Variants in ARHGAP42 observed in about 807,000 individuals in gnomAD.
The protein encoded by ARHGAP42 is rho GTPase-activating protein 42.
In ARHGAP42, 63 loss-of-function variants were observed where a neutral mutation model predicts 125.0. The ratio of observed to expected loss-of-function variants is 0.50; its 90% CI spans 0.41 to 0.62. The LOEUF is 0.62. Ranked by LOEUF, ARHGAP42 falls within the 20% of genes least tolerant of loss-of-function variation. The pLI, the probability that ARHGAP42 is intolerant of heterozygous loss-of-function variation, is 0.00. For missense variants in ARHGAP42, 766 were observed against 1,024.2 expected, an observed-to-expected ratio of 0.75 and a Z score of 3.44; for synonymous variants, 339 against 351.0, an observed-to-expected ratio of 0.97 and a Z score of 0.38.
intron 1 of ARHGAP42, among the ~76,000 whole-genome samples, chr11:100,748,568 T>G (rs1862362070): frequency 6.6e-6 from 1 of 151,680 alleles, no homozygotes; most frequent in Admixed American, 6.6e-5. Context: ...TGCTTTTTTG[T>G]TTTTGTTTTT....
intron 2 of ARHGAP42, among the ~76,000 whole-genome samples, chr11:100,779,485 T>TATATATATATATACACACAC (rs1312550660): frequency 4.9e-5 from 4 of 81,432 alleles, no homozygotes; most frequent in Non-Finnish European, 7.0e-5. Context: ...TATATATATA[T>TATATATATATATACACACAC]ACACACACAC....
rs541181245 is a variant in ARHGAP42 at position 100,933,763 on chromosome 11, TGGAAATAA to T, written c.702+513_702+520del. On this transcript the variant is annotated intron_variant, in intron 7 of 23. Transcript: ENST00000298815. The stretch of plus-strand genomic sequence containing the variant: ...TCAAGAAAACTAGAAAAGAAAATAC[TGGAAATAA>T]GGAAATAAGACCTTAGAGAAGTCTT... 2.8e-4 allele frequency among the ~76,000 whole-genome samples: 42 copies of T among 152,186 alleles called. No homozygotes were observed. In the South Asian group the frequency reaches 8.5e-3, roughly 31 times the overall value.
chr11:100,832,190 C>T (rs1864678671), intron 3 of ARHGAP42, among the ~76,000 whole-genome samples: 1 of 152,216 alleles, frequency 6.6e-6, no homozygotes, highest in Non-Finnish European at 1.5e-5. Context: ...ACATATTGGG[C>T]AGATGACAAG....
intron 23 of ARHGAP42, among the ~76,000 whole-genome samples, chr11:100,988,119 T>C (rs1380963634): frequency 6.6e-6 from 1 of 152,122 alleles, no homozygotes; most frequent in Non-Finnish European, 1.5e-5. Flanking sequence ...ACAGCAAGAC[T>C]CTGTCTATAA....
chr11:100,854,661 G>A (rs1284024828), intron 3 of ARHGAP42, among the ~76,000 whole-genome samples: 2 of 152,052 alleles, frequency 1.3e-5, no homozygotes, highest in Non-Finnish European at 2.9e-5. Context: ...TGGTGCTGTG[G>A]ATTTGCTGAC....
chr11:100,729,808 T>C (rs1861923510), intron 1 of ARHGAP42, among the ~76,000 whole-genome samples: 1 of 150,180 alleles, frequency 6.7e-6, no homozygotes, highest in East Asian at 1.9e-4. Context: ...TCTAAATTTC[T>C]TTCTTTTTTT....
At chr11:100,820,257 G>T (rs1230802435) in intron 3 of ARHGAP42, among the ~76,000 whole-genome samples, 1 of 152,136 alleles carries the variant, frequency 6.6e-6, no homozygotes, top group African/African-American at 2.4e-5. Flanking sequence ...TAGTTCTGAA[G>T]TGGGGGTAGT....
rs530681269 is a variant in ARHGAP42 at position 100,902,153 on chromosome 11, A to G, written c.385-11299A>G. On this transcript the variant is annotated intron_variant, in intron 4 of 23. Transcript: ENST00000298815. ...GGCTCATGTGGCTTATTCTATAACA[A>G]TGACCAAAACACTTTAACCCGTTGA... Among the ~76,000 whole-genome samples the G allele has an allele frequency of 9.2e-5, 14 of 152,342 alleles. No individual in the cohort carries two copies. The South Asian group carries it at 1.9e-3, about 20-fold the overall frequency.
chr11:100,695,637 A>C (rs969428046), intron 1 of ARHGAP42, among the ~76,000 whole-genome samples: 2 of 152,180 alleles, frequency 1.3e-5, no homozygotes, highest in Non-Finnish European at 2.9e-5. Context: ...TATTTGGTTA[A>C]TCAGAATACT....
intron 4 of ARHGAP42, among the ~76,000 whole-genome samples, chr11:100,894,193 G>C (rs1866287096): frequency 6.6e-6 from 1 of 152,138 alleles, no homozygotes; most frequent in South Asian, 2.1e-4. Flanking sequence ...ATAGTTCTTT[G>C]GGATATTTGA....
Position 100,983,785 on chromosome 11 carries a change from G to GAAAC in ARHGAP42, c.2457-3726_2457-3723dup, listed in dbSNP as rs1363477157. On this transcript the variant is annotated intron_variant, in intron 22 of 23. Coordinates refer to ENST00000298815, the MANE Select transcript of ARHGAP42 (RefSeq NM_152432.4). ...CAGTATTACTTAGATATTCAAGCTG[G>GAAAC]AAACAGCCAGTGTTTGTTGGAAAAA... Among the ~76,000 whole-genome samples, 8 of 152,238 alleles carry GAAAC rather than the reference G, an allele frequency of 5.3e-5. No individual in the cohort carries two copies. The East Asian group carries it at 1.5e-3, about 29-fold the overall frequency.
intron 17 of ARHGAP42, among the ~76,000 whole-genome samples, chr11:100,966,610 T>G: frequency 6.6e-6 from 1 of 152,174 alleles, no homozygotes; most frequent in Non-Finnish European, 1.5e-5. Flanking sequence ...AATGATGATG[T>G]CATCTGAACA....
At chr11:100,897,207 A>G (rs11224507) in intron 4 of ARHGAP42, among the ~76,000 whole-genome samples, 42,212 of 152,010 alleles carry the variant, frequency 0.28, 7,218 homozygotes, top group East Asian at 0.75. Flanking sequence ...GTATATCTGT[A>G]CTGGTACCAG....
At chr11:100,978,883 C>G (rs1858459478) in intron 21 of ARHGAP42, 104 bp from the exon 22 acceptor site, 7 of 1,188,946 alleles carry the variant, frequency 5.9e-6, no homozygotes, top group Non-Finnish European at 8.5e-6. Flanking sequence ...GGCAATGGTT[C>G]TCAACCATTT....
intron 2 of ARHGAP42, among the ~76,000 whole-genome samples, chr11:100,776,842 G>A (rs978879425): frequency 5.3e-5 from 8 of 152,002 alleles, no homozygotes; most frequent in African/African-American, 2.4e-5. Context: ...AATGAGCTGG[G>A]CATGATGGCA....
chr11:100,804,967 A>G (rs1433461358), intron 3 of ARHGAP42, among the ~76,000 whole-genome samples: 2 of 152,214 alleles, frequency 1.3e-5, no homozygotes, highest in Non-Finnish European at 2.9e-5. Flanking sequence ...GTTTGTTGTT[A>G]TGTGCCTTGC....
chr11:100,694,967 G>A (rs1401371978), intron 1 of ARHGAP42, among the ~76,000 whole-genome samples: 1 of 152,238 alleles, frequency 6.6e-6, no homozygotes, highest in Non-Finnish European at 1.5e-5. Flanking sequence ...GGAGGCAGAG[G>A]TTGCAGTGAG....
At position 100,908,407 on chromosome 11, in the gene ARHGAP42, G is replaced by C. The variant is rs1015223781; in HGVS notation, c.385-5045G>C. On this transcript the variant is annotated intron_variant, in intron 4 of 23. Coordinates refer to ENST00000298815, the MANE Select transcript of ARHGAP42 (RefSeq NM_152432.4). Reference sequence around the variant, plus strand: ...TTTCATCCTTCACCTGCCTCCCACTGTTTGGAGTCTCCAGTGTCTATTACT... The same window carrying C: ...TTTCATCCTTCACCTGCCTCCCACTCTTTGGAGTCTCCAGTGTCTATTACT... Among the ~76,000 whole-genome samples the C allele has an allele frequency of 4.6e-5, 7 of 152,092 alleles. 1 individual carries two copies. The highest frequency in any genetic ancestry group is 4.6e-4 in the Admixed American group (7 of 15,264).
At chr11:100,793,650 T>A (rs938988090) in intron 2 of ARHGAP42, among the ~76,000 whole-genome samples, 9 of 148,546 alleles carry the variant, frequency 6.1e-5, no homozygotes, top group African/African-American at 2.3e-4. Context: ...TTTGATGAGT[T>A]CTTTTGATTT....
Sources: gnomAD v4.1 joint callset for allele counts (sites outside exome capture counted in the v4.1 genomes callset) on GRCh38, gnomAD v4.1.1 for gene constraint, MANE v1.5 for transcripts, NCBI Gene and HGNC (gene_info 2026-07-23, HGNC 2026-07-21) for gene names.